PTPRD: variants seen among roughly 807,000 people sequenced by gnomAD.
The protein encoded by PTPRD is receptor-type tyrosine-protein phosphatase delta.
A neutral mutation model predicts 214.5 loss-of-function variants in PTPRD; 34 were observed. The ratio of observed to expected loss-of-function variants is 0.16; its 90% CI spans 0.12 to 0.21. PTPRD has a LOEUF of 0.21. PTPRD is among the 10% of genes least tolerant of loss of function. The pLI is 1.00. For missense variants in PTPRD, 2,545 were observed against 2,398.7 expected, an observed-to-expected ratio of 1.06 and a Z score of -1.27; for synonymous variants, 1,128 against 845.7, an observed-to-expected ratio of 1.33 and a Z score of -5.79.
intron 8 of PTPRD, among the ~76,000 whole-genome samples, chr9:9,412,538 T>C (rs1362074012): frequency 6.6e-6 from 1 of 152,080 alleles, no homozygotes; most frequent in Admixed American, 6.6e-5. Flanking sequence ...TTCCTACAGT[T>C]ACTTTCCCAG....
At chr9:8,455,551 T>C (rs1371783672) in intron 33 of PTPRD, among the ~76,000 whole-genome samples, 11 of 152,280 alleles carry the variant, frequency 7.2e-5, no homozygotes, top group African/African-American at 2.6e-4. Context: ...CAATGAAATA[T>C]ATACCCAAGT....
chr9:9,592,709 T>C (rs2092859177), intron 7 of PTPRD, among the ~76,000 whole-genome samples: 1 of 151,994 alleles, frequency 6.6e-6, no homozygotes, highest in South Asian at 2.1e-4. Flanking sequence ...ACAATTCATG[T>C]AGGTGAAGAT....
intron 3 of PTPRD, among the ~76,000 whole-genome samples, chr9:10,161,767 G>T (rs2099128603): frequency 6.6e-6 from 1 of 151,596 alleles, no homozygotes; most frequent in Admixed American, 6.6e-5. Context: ...TAACTTAAAT[G>T]GGAGAAAATG....
intron 11 of PTPRD, among the ~76,000 whole-genome samples, chr9:8,889,667 G>C (rs533534373): frequency 2.6e-5 from 3 of 116,544 alleles, no homozygotes; most frequent in Admixed American, 1.2e-4. Context: ...TTATGCCTTT[G>C]CATACTCATA....
intron 8 of PTPRD, among the ~76,000 whole-genome samples, chr9:9,455,238 A>G (rs1010205922): frequency 6.6e-6 from 1 of 151,614 alleles, no homozygotes; most frequent in Non-Finnish European, 1.5e-5. Flanking sequence ...ACATTGAGAG[A>G]TGTAGATGGG....
At chr9:9,371,756 A>G (rs1297888503) in intron 9 of PTPRD, among the ~76,000 whole-genome samples, 2 of 152,152 alleles carry the variant, frequency 1.3e-5, no homozygotes, top group African/African-American at 4.8e-5. Flanking sequence ...ATTTAGTGCT[A>G]TAAATTTCCC....
At chr9:9,842,413 G>A (rs913980168) in intron 5 of PTPRD, among the ~76,000 whole-genome samples, 2 of 148,022 alleles carry the variant, frequency 1.4e-5, no homozygotes, top group Non-Finnish European at 3.0e-5. Context: ...GTGAAAAGTG[G>A]GATTAAATCC....
chr9:10,279,394 G>A (rs1443305734), intron 3 of PTPRD, among the ~76,000 whole-genome samples: 1 of 152,126 alleles, frequency 6.6e-6, no homozygotes, highest in African/African-American at 2.4e-5. Context: ...CCCTAGACCT[G>A]CTACTAGCTC....
Position 10,067,335 on chromosome 9 carries a change from C to T in PTPRD, c.-544-33545G>A, listed in dbSNP as rs115713962. The stretch of plus-strand genomic sequence containing the variant: ...GTAAATAGCTACAATTATAATGGCA[C>T]GTGTTTCCAAAGGGTCTTACAGATT... On this transcript the variant is annotated intron_variant, in intron 3 of 45. Coordinates refer to ENST00000381196, the MANE Select transcript of PTPRD (RefSeq NM_002839.4). Among the ~76,000 whole-genome samples, 397 of 151,862 alleles carry T rather than the reference C, an allele frequency of 2.6e-3. 2 individuals carry two copies. Among genetic ancestry groups the T allele is most frequent in the African/African-American group, 8.7e-3 (361 of 41,506 alleles).
At chr9:10,566,688 T>C (rs1015273408) in intron 2 of PTPRD, among the ~76,000 whole-genome samples, 1 of 152,032 alleles carries the variant, frequency 6.6e-6, no homozygotes, top group African/African-American at 2.4e-5. Flanking sequence ...TTAGTTTTAA[T>C]GCAACTGAAG....
At chr9:9,406,221 G>C (rs1448941436) in intron 8 of PTPRD, among the ~76,000 whole-genome samples, 1 of 151,898 alleles carries the variant, frequency 6.6e-6, no homozygotes, top group Non-Finnish European at 1.5e-5. Flanking sequence ...AAGATGGTAA[G>C]GGCCAATCAT....
intron 3 of PTPRD, among the ~76,000 whole-genome samples, chr9:10,183,164 A>C (rs1298852409): frequency 6.6e-6 from 1 of 152,152 alleles, no homozygotes; most frequent in African/African-American, 2.4e-5. Context: ...TTTTTAAAGG[A>C]AGTGTTTGCC....
At chr9:9,864,339 A>AAAC (rs35998321) in intron 5 of PTPRD, among the ~76,000 whole-genome samples, 9,981 of 151,818 alleles carry the variant, frequency 0.066, 711 homozygotes, top group African/African-American at 0.18. Flanking sequence ...TAAAAAAAAA[A>AAAC]AAAGTTTTGT....
chr9:8,726,957 G>A (rs1237020802), intron 12 of PTPRD, among the ~76,000 whole-genome samples: 1 of 151,692 alleles, frequency 6.6e-6, no homozygotes, highest in African/African-American at 2.4e-5. Context: ...CTGGGCAGCA[G>A]AGCCAGACCC....
At chr9:10,556,015 G>T (rs2062494727) in intron 2 of PTPRD, among the ~76,000 whole-genome samples, 1 of 152,060 alleles carries the variant, frequency 6.6e-6, no homozygotes, top group Admixed American at 6.5e-5. Flanking sequence ...TAAACCTTCA[G>T]ATTACAACAA....
At chr9:10,290,126 G>A (rs2095487193) in intron 3 of PTPRD, among the ~76,000 whole-genome samples, 1 of 152,128 alleles carries the variant, frequency 6.6e-6, no homozygotes, top group African/African-American at 2.4e-5. Flanking sequence ...CCAAAGGTGT[G>A]TAAAAATAAC....
chr9:9,499,841 A>G (rs567593564), intron 8 of PTPRD, among the ~76,000 whole-genome samples: 53 of 152,216 alleles, frequency 3.5e-4, no homozygotes, highest in Admixed American at 9.8e-4. Flanking sequence ...AATAAAAGAT[A>G]AGAGACTAAT....
At chr9:9,155,086 G>A (rs1018876832) in intron 10 of PTPRD, among the ~76,000 whole-genome samples, 11 of 152,162 alleles carry the variant, frequency 7.2e-5, no homozygotes, top group African/African-American at 2.7e-4. Flanking sequence ...AAGAGACACA[G>A]AAGCAATATC....
At chr9:9,760,250 T>G (rs1207330276) in intron 6 of PTPRD, among the ~76,000 whole-genome samples, 5 of 152,182 alleles carry the variant, frequency 3.3e-5, no homozygotes, top group Non-Finnish European at 4.4e-5. Context: ...AAAACATTCA[T>G]ACATCTTACT....
Sources: allele counts gnomAD v4.1 joint callset (sites outside exome capture counted in the v4.1 genomes callset), GRCh38; gene constraint gnomAD v4.1.1; transcripts MANE v1.5; gene names NCBI Gene and HGNC (gene_info 2026-07-23, HGNC 2026-07-21).